Variants in LRRC36 observed in about 807,000 individuals in gnomAD.
LRRC36 encodes leucine-rich repeat-containing protein 36.
In LRRC36, 62 loss-of-function variants were observed where a neutral mutation model predicts 81.1. The ratio of observed to expected loss-of-function variants is 0.76; its 90% CI spans 0.62 to 0.94. LRRC36 has a LOEUF of 0.94. Ranked by LOEUF, LRRC36 falls within the 40% of genes least tolerant of loss-of-function variation. LRRC36 has a pLI of 0.00. For missense variants in LRRC36, 761 were observed against 881.7 expected, an observed-to-expected ratio of 0.86 and a Z score of 1.73; for synonymous variants, 334 against 348.6, an observed-to-expected ratio of 0.96 and a Z score of 0.47.
At position 67,375,343 on chromosome 16, in the gene LRRC36, CAGCTCCTGG is replaced by C. The variant is rs1434144651; in HGVS notation, c.1596_1604del (p.Leu533_Leu535del). The C allele has an allele frequency of 2.5e-6, 4 of 1,612,280 alleles. No homozygotes were observed. Among genetic ancestry groups the C allele is most frequent in the Non-Finnish European group, 3.4e-6 (4 of 1,179,524 alleles). On this transcript the variant is annotated inframe_deletion, in exon 10 of 14. Transcript: ENST00000329956. The stretch of plus-strand genomic sequence containing the variant: ...CCCCCATGTGGCCACTGTCCTCAGA[CAGCTCCTGG>C]AGCTTGTGGATAAGCACTGGAATGG...
At chr16:67,344,881 A>G (rs2038268427) in intron 2 of LRRC36, among the ~76,000 whole-genome samples, 1 of 152,244 alleles carries the variant, frequency 6.6e-6, no homozygotes, top group Non-Finnish European at 1.5e-5. Context: ...ATAATTTTAA[A>G]TGGGAGGAGA....
At chr16:67,347,031 C>T (rs1435250551) in intron 3 of LRRC36, among the ~76,000 whole-genome samples, 2 of 152,122 alleles carry the variant, frequency 1.3e-5, no homozygotes, top group African/African-American at 4.8e-5. Flanking sequence ...CGCACCACCA[C>T]ACCCAGCTAA....
At chr16:67,335,836 G>A (rs867707598) in intron 1 of LRRC36, among the ~76,000 whole-genome samples, 2 of 151,888 alleles carry the variant, frequency 1.3e-5, no homozygotes, top group African/African-American at 4.8e-5. Flanking sequence ...GGGTTCAAGC[G>A]ATTCTCCTGC....
intron 1 of LRRC36, among the ~76,000 whole-genome samples, chr16:67,341,530 A>C (rs1304039126): frequency 6.6e-6 from 1 of 151,792 alleles, no homozygotes; most frequent in African/African-American, 2.4e-5. Flanking sequence ...TTTTCTGCTG[A>C]TGGACCTTTG....
rs193013122 is a variant in LRRC36, at chr16:67,350,041, G to C, written c.489-161G>C. On this transcript the variant is annotated intron_variant, in intron 4 of 13. Coordinates refer to ENST00000329956, the MANE Select transcript of LRRC36 (RefSeq NM_018296.6). ...CTCCCAAAGTGCTGGGATTACAGGGGTGAGCCACTGTGCCCGGCTGAAACA... is the reference window on the plus strand; with the variant it reads ...CTCCCAAAGTGCTGGGATTACAGGGCTGAGCCACTGTGCCCGGCTGAAACA... Among the ~76,000 whole-genome samples the C allele has an allele frequency of 3.7e-3, 561 of 152,284 alleles. 3 individuals are homozygous for C. The highest frequency in any genetic ancestry group is 5.7e-3 in the Non-Finnish European group (387 of 68,028).
intron 7 of LRRC36, among the ~76,000 whole-genome samples, chr16:67,366,515 C>A (rs907588002): frequency 5.9e-5 from 9 of 151,886 alleles, no homozygotes; most frequent in African/African-American, 2.2e-4. Context: ...TTTGGGAGGC[C>A]GAGGCGGGTG....
chr16:67,359,898 G>A (rs536179851), intron 5 of LRRC36, among the ~76,000 whole-genome samples: 6 of 152,256 alleles, frequency 3.9e-5, no homozygotes, highest in East Asian at 1.9e-4. Flanking sequence ...CAAGGTGGGC[G>A]GATCATTTGA....
At chr16:67,379,157 C>T (rs139139414) in intron 12 of LRRC36, among the ~76,000 whole-genome samples, 1 of 152,288 alleles carries the variant, frequency 6.6e-6, no homozygotes, top group East Asian at 1.9e-4. Context: ...GGTGCAGTGG[C>T]TCACACCTGC....
chr16:67,379,035 G>C (rs1423658051), intron 12 of LRRC36, among the ~76,000 whole-genome samples: 1 of 152,090 alleles, frequency 6.6e-6, no homozygotes, highest in Non-Finnish European at 1.5e-5. Context: ...GAAAATACAA[G>C]GAAAATATAA....
At chr16:67,338,013 G>A (rs1462486664) in intron 1 of LRRC36, among the ~76,000 whole-genome samples, 5 of 151,954 alleles carry the variant, frequency 3.3e-5, no homozygotes. Flanking sequence ...GAACCCAGGA[G>A]GCAGAGGTTG....
At chr16:67,337,999 G>T (rs2037845314) in intron 1 of LRRC36, among the ~76,000 whole-genome samples, 1 of 151,806 alleles carries the variant, frequency 6.6e-6, no homozygotes, top group African/African-American at 2.4e-5. Flanking sequence ...CAGGAGAATC[G>T]CCTGAACCCA....
intron 5 of LRRC36, among the ~76,000 whole-genome samples, chr16:67,350,581 A>G (rs532443505): frequency 1.3e-5 from 2 of 152,342 alleles, no homozygotes; most frequent in South Asian, 4.1e-4. Flanking sequence ...TGATTTAATT[A>G]GAGACTGGCG....
Position 67,385,133 on chromosome 16 carries a change from G to C in LRRC36, c.*44G>C. On this transcript the variant is annotated 3_prime_UTR_variant, in exon 14 of 14. Coordinates refer to ENST00000329956, the MANE Select transcript of LRRC36 (RefSeq NM_018296.6). ...ACCACAGCTTCCCTGGTCCACAGAG[G>C]CTCTCACCGCCATTGCCACCAGTAT... is the stretch of plus-strand genomic sequence containing the variant. 6.8e-7 allele frequency: 1 copy of C among 1,466,968 alleles called. No homozygotes were observed. The highest frequency in any genetic ancestry group is 9.5e-7 in the Non-Finnish European group (1 of 1,052,118). 90.9% of individuals were successfully genotyped at this position (1,466,968 alleles called of 1,614,324 possible). A position where few individuals can be genotyped will look rare whatever the true frequency, so the allele number is the denominator to read the frequency against.
At chr16:67,358,901 G>C (rs2039026002) in intron 5 of LRRC36, among the ~76,000 whole-genome samples, 1 of 152,134 alleles carries the variant, frequency 6.6e-6, no homozygotes, top group Non-Finnish European at 1.5e-5. Flanking sequence ...ATGGCTGGGA[G>C]GGTGGGAGGA....
Position 67,350,375 on chromosome 16 carries a change from C to T in LRRC36, c.577+85C>T, listed in dbSNP as rs1366312720. 1.3e-5 allele frequency: 15 copies of T among 1,119,194 alleles called. No homozygotes were observed. The Admixed American group carries it at 3.0e-4, about 22-fold the overall frequency. 69.3% of individuals were successfully genotyped at this position (1,119,194 alleles called of 1,614,324 possible). ...GCCAATATTGGGTAAGATGAAGACA[C>T]ATAGTTGAGAAAGAACCAATTTGAA... On this transcript the variant is annotated intron_variant, in intron 5 of 13. Coordinates refer to ENST00000329956, the MANE Select transcript of LRRC36 (RefSeq NM_018296.6).
chr16:67,376,793 A>T lies in LRRC36; in HGVS notation c.1727A>T (p.His576Leu), dbSNP rs746042879. The change falls in exon 11 of 14, where the codon CAT becomes CTT. Residue 576 changes from histidine to leucine, a missense_variant. This residue lies in a region of LRRC36 where 359 missense variants were observed against 388.4 expected (regional missense o/e 0.92). Coordinates refer to ENST00000329956, the MANE Select transcript of LRRC36 (RefSeq NM_018296.6). ...PAPSQPRCCS[H>L]PEDTMKAFCR... is the part of the protein sequence containing the mutation. ...CCTTCTCAGCCGAGGTGTTGCTCAC[A>T]TCCTGAAGACACGATGAAAGCATTC... 44 of 1,613,950 alleles carry T rather than the reference A, an allele frequency of 2.7e-5. No homozygotes were observed. Among genetic ancestry groups the T allele is most frequent in the South Asian group, 1.3e-4 (12 of 91,074 alleles).
chr16:67,367,879 C>T (rs767325552), intron 8 of LRRC36, among the ~76,000 whole-genome samples: 4 of 152,110 alleles, frequency 2.6e-5, no homozygotes, highest in Admixed American at 6.5e-5. Context: ...GGTGAAACCC[C>T]GTCTCTACCA....
In LRRC36 at chr16:67,361,483, GA is replaced by G. The variant is rs1022740829; in HGVS notation, c.578-2100del. ...GTAAAAAAATAAAATTATAATACAG[GA>G]AAAAAAGTTAAAATTTATCACTTTT... On this transcript the variant is annotated intron_variant, in intron 5 of 13. Coordinates refer to ENST00000329956, the MANE Select transcript of LRRC36 (RefSeq NM_018296.6). Among the ~76,000 whole-genome samples the G allele has an allele frequency of 2.6e-4, 40 of 152,010 alleles. 1 individual carries two copies. The highest frequency in any genetic ancestry group is 2.2e-3 in the Admixed American group (34 of 15,258).
chr16:67,375,277 G>T lies in LRRC36; in HGVS notation c.1525G>T (p.Gly509Cys). 6.2e-7 allele frequency: 1 copy of T among 1,611,928 alleles called. No individual in the cohort carries two copies. Among genetic ancestry groups the T allele is most frequent in the South Asian group, 1.1e-5 (1 of 91,026 alleles). Residue 509 changes from glycine (G) to cysteine (C), a missense_variant, in exon 10 of 14, where the codon GGT becomes TGT. Physicochemically the swap from Gly to Cys is radical, Grantham distance 159. This residue lies in a region of LRRC36 where 359 missense variants were observed against 388.4 expected (regional missense o/e 0.92). Coordinates refer to ENST00000329956, the MANE Select transcript of LRRC36 (RefSeq NM_018296.6). ...CTCTAGTGACCTGGGTAGTTTGCAC[G>T]GTTTGGCTGGAAACCACAGTCCCCC... ...PLSSDLGSLH[G>C]LAGNHSPPIS...
Sources: gnomAD v4.1 joint callset for allele counts (sites outside exome capture counted in the v4.1 genomes callset) on GRCh38, gnomAD v4.1.1 for gene constraint, gnomAD v4.1.1 regional missense constraint, MANE v1.5 for transcripts, NCBI Gene and HGNC (gene_info 2026-07-23, HGNC 2026-07-21) for gene names.